The following PDE8B variants were observed in gnomAD, a reference collection of about 807,000 sequenced individuals.
PDE8B encodes phosphodiesterase 8B.
In PDE8B, 26 loss-of-function variants were observed where a neutral mutation model predicts 101.3. The ratio of observed to expected loss-of-function variants is 0.26; its 90% CI spans 0.19 to 0.36. PDE8B has a LOEUF of 0.36. Among genes scored for constraint, PDE8B ranks in the 10% least tolerant of loss-of-function variants. The probability of loss-of-function intolerance (pLI) is 1.00; values close to 1 mark genes in which losing one functional copy is unlikely to be tolerated. For synonymous variants in PDE8B, 424 were observed against 429.3 expected (o/e 0.99, Z 0.15); for missense variants, 810 against 1,163.1 (o/e 0.70, Z 4.42).
the PDE8B span, among the ~76,000 whole-genome samples, chr5:77,096,092 C>A: frequency 3.9e-5 from 6 of 152,044 alleles, no homozygotes; most frequent in Admixed American, 1.3e-4. Flanking sequence ...CAGGTTCCAG[C>A]AATTCTCCCA....
chr5:77,419,638 C>G, intron 18 of PDE8B, 129 bp from the exon 19 acceptor site: 1 of 1,064,426 alleles, frequency 9.4e-7, no homozygotes, highest in Non-Finnish European at 1.4e-6. Context: ...TTCTTGTGAT[C>G]TGCACACATT....
the PDE8B span, among the ~76,000 whole-genome samples, chr5:77,188,318 G>A: frequency 6.6e-6 from 1 of 152,178 alleles, no homozygotes; most frequent in African/African-American, 2.4e-5. Flanking sequence ...TTGTCAAACA[G>A]CCATTGAACA....
chr5:77,209,749 G>C (rs527617197), upstream of PDE8B, among the ~76,000 whole-genome samples: 1 of 152,326 alleles, frequency 6.6e-6, no homozygotes, highest in African/African-American at 2.4e-5. Context: ...GGCTGGACGG[G>C]ATAGAAACCA....
At chr5:77,148,447 C>T in the PDE8B span, 1 of 152,170 alleles carries the variant, frequency 6.6e-6, no homozygotes, top group Non-Finnish European at 1.5e-5. Context: ...TTTAAAGAAA[C>T]TGTCAAACTG....
chr5:77,211,213 C>G lies in PDE8B; in HGVS notation c.288C>G (p.His96Gln). ...CCACCAGCAGGGGCCGGAGGCGCCA[C>G]TGCTGCAGCAGCGCCGAGGCCGAGA... is the stretch of plus-strand genomic sequence containing the variant. The part of the protein sequence containing the change: ...AATTSRGRRR[H>Q]CCSSAEAETQ... Residue 96 changes from histidine (H) to glutamine (Q), a missense_variant, in exon 1 of 22, where the codon CAC becomes CAG. By Grantham distance (24) the His-to-Gln change is conservative (BLOSUM62 0). This residue lies in a region of PDE8B where 251 missense variants were observed against 378.8 expected (regional missense o/e 0.66). Transcript: ENST00000264917. This position sits in a 1 kb window ranked among gnomAD's most constrained non-coding sequence, Gnocchi z 4.1. 1 of 1,571,216 alleles carries G rather than the reference C, an allele frequency of 6.4e-7. No homozygotes were observed. The highest frequency in any genetic ancestry group is 8.6e-7 in the Non-Finnish European group (1 of 1,167,074).
At chr5:77,105,409 G>A in the PDE8B span, 1 of 152,192 alleles carries the variant, frequency 6.6e-6, no homozygotes, top group African/African-American at 2.4e-5. Flanking sequence ...TGTGTTAGAT[G>A]ATTTTGCCTC....
At chr5:77,173,295 TTA>T in the PDE8B span, among the ~76,000 whole-genome samples, 1 of 152,304 alleles carries the variant, frequency 6.6e-6, no homozygotes, top group East Asian at 1.9e-4. Context: ...GTGAGGAGGT[TTA>T]TGTGTGCTTG....
At chr5:77,278,484 T>C (rs185831800) in intron 1 of PDE8B, among the ~76,000 whole-genome samples, 1 of 152,354 alleles carries the variant, frequency 6.6e-6, no homozygotes, top group East Asian at 1.9e-4. Flanking sequence ...CTTTTCTTTT[T>C]TTTGAGACGG....
the PDE8B span, among the ~76,000 whole-genome samples, chr5:77,197,301 G>A: frequency 3.4e-5 from 5 of 147,674 alleles, no homozygotes; most frequent in Admixed American, 6.7e-5. Context: ...TTTTTTAGTA[G>A]AGTCGGGGTT....
rs1317813107 is a variant in PDE8B, at chr5:77,404,794, G to T, written c.1285G>T (p.Asp429Tyr). 3 of 1,580,086 alleles carry T rather than the reference G, an allele frequency of 1.9e-6. No homozygotes were observed. Among genetic ancestry groups the T allele is most frequent in the Non-Finnish European group, 2.6e-6 (3 of 1,149,250 alleles). ...GAAATCGATATCATCTCGAGGCAGTGATGGTAAGATGTTTTTCAGATTCCT... is the reference window on the plus strand; with the variant it reads ...GAAATCGATATCATCTCGAGGCAGTTATGGTAAGATGTTTTTCAGATTCCT... ...DVKSISSRGS[D>Y]APSLQNRRYP... is the part of the protein sequence containing the mutation. Residue 429 changes from aspartate (D) to tyrosine (Y), a missense_variant, in exon 12 of 22, where the codon GAT becomes TAT. This residue lies in a region of PDE8B where 75 missense variants were observed against 76.9 expected (regional missense o/e 0.98). Coordinates refer to ENST00000264917, the MANE Select transcript of PDE8B (RefSeq NM_003719.5).
At position 77,418,432 on chromosome 5, in the gene PDE8B, C is replaced by T. The variant is rs886060758; in HGVS notation, c.2115C>T (p.Phe705=). 4 of 1,613,024 alleles carry T rather than the reference C, an allele frequency of 2.5e-6. No individual in the cohort carries two copies. Among genetic ancestry groups the T allele is most frequent in the Non-Finnish European group, 3.4e-6 (4 of 1,179,240 alleles). Residue 705 remains phenylalanine, a synonymous_variant, in exon 18 of 22, where the codon TTC becomes TTT. Coordinates refer to ENST00000264917, the MANE Select transcript of PDE8B (RefSeq NM_003719.5). ...LTVKDTKCNI[F]KNIDRNHYRT... The stretch of plus-strand genomic sequence containing the variant: ...TCAAGGACACCAAATGCAACATTTT[C>T]AAGAATATTGACAGGTTTGTTGTGC...
At chr5:77,417,024 C>G (rs956044323) in intron 17 of PDE8B, among the ~76,000 whole-genome samples, 1 of 152,032 alleles carries the variant, frequency 6.6e-6, no homozygotes, top group Non-Finnish European at 1.5e-5. Context: ...CTGGACAATT[C>G]CTGCTTCTCC....
rs1748077524 is a variant in PDE8B, at chr5:77,210,726, A to G, written c.-200A>G. 1 of 980,326 alleles carries G rather than the reference A, an allele frequency of 1.0e-6. No individual in the cohort carries two copies. The highest frequency in any genetic ancestry group is 1.8e-5 in the African/African-American group (1 of 56,396). The allele number at this position is 980,326 out of a possible 1,614,324, so 60.7% of individuals were successfully genotyped here. A position where few individuals can be genotyped will look rare whatever the true frequency, so the allele number is the denominator to read the frequency against. ...CGGGGAGGAAGATGGCCCAAAAGGG[A>G]AAGTTGGGGTGACGCGCGCGGTCCC... is the stretch of plus-strand genomic sequence containing the variant. On this transcript the variant is annotated 5_prime_UTR_variant, in exon 1 of 22. Transcript: ENST00000264917. The surrounding 1 kb of genome is among the most constrained non-coding windows in gnomAD (Gnocchi z 4.9).
chr5:77,248,658 G>T (rs1757455813), intron 1 of PDE8B, among the ~76,000 whole-genome samples: 1 of 152,174 alleles, frequency 6.6e-6, no homozygotes, highest in African/African-American at 2.4e-5. Flanking sequence ...TCTGGGGAAA[G>T]AAACAATCTA....
At chr5:77,363,727 A>G (rs2150579528) in intron 10 of PDE8B, among the ~76,000 whole-genome samples, 2 of 152,146 alleles carry the variant, frequency 1.3e-5, no homozygotes, top group Admixed American at 1.3e-4. Flanking sequence ...AAAAAAAAAA[A>G]AAGAATATGT....
At chr5:77,329,146 C>G in intron 4 of PDE8B, 89 bp downstream of exon 4, 1 of 996,146 alleles carries the variant, frequency 1.0e-6, no homozygotes, top group East Asian at 2.4e-5. Flanking sequence ...GCTATCTAAG[C>G]AATGGGTGTG....
intron 12 of PDE8B, among the ~76,000 whole-genome samples, chr5:77,405,790 C>G (rs890913842): frequency 6.6e-6 from 1 of 152,090 alleles, no homozygotes; most frequent in Non-Finnish European, 1.5e-5. Flanking sequence ...AACTCGAGAG[C>G]GGACAACAGA....
At chr5:77,313,703 A>T (rs888671941) in intron 2 of PDE8B, among the ~76,000 whole-genome samples, 1 of 152,208 alleles carries the variant, frequency 6.6e-6, no homozygotes, top group Non-Finnish European at 1.5e-5. Flanking sequence ...ACCCACTTCT[A>T]TCAAATATTA....
the PDE8B span, among the ~76,000 whole-genome samples, chr5:77,133,288 G>A: frequency 2.0e-5 from 3 of 152,128 alleles, no homozygotes; most frequent in South Asian, 2.1e-4. Context: ...ATGGAGCAAA[G>A]CCAAACCCTC....
Sources: allele counts gnomAD v4.1 joint callset (sites outside exome capture counted in the v4.1 genomes callset), GRCh38; gene constraint gnomAD v4.1.1; regional missense constraint gnomAD v4.1.1; non-coding constraint Gnocchi (gnomAD v3.1); transcripts MANE v1.5; gene names NCBI Gene and HGNC (gene_info 2026-07-23, HGNC 2026-07-21).